RPGRIP1L: variants seen among roughly 807,000 people sequenced by gnomAD.
RPGRIP1L encodes protein fantom.
A neutral mutation model predicts 160.4 loss-of-function variants in RPGRIP1L; 131 were observed. That is an observed-to-expected ratio of 0.82 (90% confidence interval 0.71 to 0.94). The LOEUF is 0.94. Among genes scored for constraint, RPGRIP1L ranks in the 40% least tolerant of loss-of-function variants. The probability of loss-of-function intolerance (pLI) is 0.00; values close to 1 mark genes in which losing one functional copy is unlikely to be tolerated. For synonymous variants in RPGRIP1L, 510 were observed against 515.8 expected, an observed-to-expected ratio of 0.99 and a Z score of 0.15; for missense variants, 1,522 against 1,535.8, an observed-to-expected ratio of 0.99 and a Z score of 0.15.
Position 53,655,278 on chromosome 16 carries a change from G to A in RPGRIP1L, c.1699+1194C>T, listed in dbSNP as rs376885933. Among the ~76,000 whole-genome samples the A allele has an allele frequency of 6.6e-5, 10 of 151,604 alleles. No individual in the cohort carries two copies. The East Asian group carries it at 7.7e-4, about 12-fold the overall frequency. ...GTTTTGGAAAATATAACTTAAAAAA[G>A]GTACTTTAATTTATGTTAACACGCA... On this transcript the variant is annotated intron_variant, in intron 14 of 26. Transcript: ENST00000647211.
chr16:53,620,728 T>G (rs1431992886), intron 23 of RPGRIP1L, among the ~76,000 whole-genome samples: 1 of 152,182 alleles, frequency 6.6e-6, no homozygotes, highest in African/African-American at 2.4e-5. Flanking sequence ...TCCGTTCACG[T>G]GCATAAAAAA....
At chr16:53,677,066 T>C (rs961261248) in intron 6 of RPGRIP1L, among the ~76,000 whole-genome samples, 6 of 152,212 alleles carry the variant, frequency 3.9e-5, no homozygotes, top group African/African-American at 1.4e-4. Flanking sequence ...ATTTTAAATT[T>C]TTTTGTAAGG....
At chr16:53,668,078 T>A (rs890984662) in intron 9 of RPGRIP1L, among the ~76,000 whole-genome samples, 13 of 151,502 alleles carry the variant, frequency 8.6e-5, no homozygotes, top group South Asian at 4.2e-4. Flanking sequence ...TTTTTTTTTT[T>A]AAATCATAGG....
chr16:53,641,575 T>TGAA, intron 17 of RPGRIP1L, 100 bp from the exon 18 acceptor site: 1 of 1,103,310 alleles, frequency 9.1e-7, no homozygotes, highest in East Asian at 2.5e-5. Context: ...AGACTCATGC[T>TGAA]CTACCATGTG....
At chr16:53,680,943 C>T (rs956246006) in intron 6 of RPGRIP1L, among the ~76,000 whole-genome samples, 1 of 152,180 alleles carries the variant, frequency 6.6e-6, no homozygotes, top group South Asian at 2.1e-4. Flanking sequence ...AGTGCAAAAA[C>T]AGGCTTGTTG....
chr16:53,678,327 T>C (rs1182885231), intron 6 of RPGRIP1L, among the ~76,000 whole-genome samples: 1 of 152,128 alleles, frequency 6.6e-6, no homozygotes, highest in African/African-American at 2.4e-5. Flanking sequence ...AGTCAAGCAA[T>C]AAACTCTGAA....
chr16:53,645,730 A>C lies in RPGRIP1L; in HGVS notation c.2578T>G (p.Ser860Ala). 6.2e-7 allele frequency: 1 copy of C among 1,613,934 alleles called. No individual in the cohort carries two copies. Among genetic ancestry groups the C allele is most frequent in the Non-Finnish European group, 8.5e-7 (1 of 1,179,938 alleles). Residue 860 changes from serine (S) to alanine (A), a missense_variant, in exon 17 of 27, where the codon TCT becomes GCT. Physicochemically the swap from Ser to Ala is moderately conservative, Grantham distance 99. Transcript: ENST00000647211. ...TCATCAAAAACATAAAAACTCAGAGACTCTGACTTAAGGTATCGATCCAAG... is the reference window on the plus strand; with the variant it reads ...TCATCAAAAACATAAAAACTCAGAGCCTCTGACTTAAGGTATCGATCCAAG... ...MDLDRYLKSESLSFYVFDDSD... is the reference protein window; with the variant it reads ...MDLDRYLKSEALSFYVFDDSD...
intron 19 of RPGRIP1L, 108 bp from the exon 20 acceptor site, chr16:53,638,519 A>G: frequency 1.6e-6 from 1 of 637,932 alleles, no homozygotes; most frequent in Non-Finnish European, 2.8e-6. Context: ...CAGCAAATGT[A>G]ACAGTTACTC....
chr16:53,616,083 G>C (rs1277278606), intron 24 of RPGRIP1L, among the ~76,000 whole-genome samples: 2 of 152,130 alleles, frequency 1.3e-5, no homozygotes, highest in Non-Finnish European at 2.9e-5. Context: ...TAAAATCATT[G>C]CTAGGTTCAG....
chr16:53,678,597 T>C (rs1471510669), intron 6 of RPGRIP1L, among the ~76,000 whole-genome samples: 1 of 152,044 alleles, frequency 6.6e-6, no homozygotes. Context: ...TACCATATTA[T>C]GAAAGCTAAA....
chr16:53,659,144 G>A, intron 10 of RPGRIP1L: 2 of 756,218 alleles, frequency 2.6e-6, no homozygotes, highest in African/African-American at 1.8e-5. Context: ...GTGGCCTCTG[G>A]GACTTCAAAG....
rs764733447 is a variant in RPGRIP1L at position 53,672,986 on chromosome 16, C to T, written c.913G>A (p.Ala305Thr). The T allele has an allele frequency of 1.9e-6, 3 of 1,613,286 alleles. No individual in the cohort carries two copies. Among genetic ancestry groups the T allele is most frequent in the Non-Finnish European group, 2.5e-6 (3 of 1,179,586 alleles). ...AATTCATCCCCATTTGCCATCAAAG[C>T]ATCGTGGCTGATTCTGAGAGTTCTT... ...KQRTLRISHD[A>T]LMANGDELNM... The change falls in exon 8 of 27, where the codon GCT (alanine) becomes ACT (threonine). Residue 305 changes from alanine to threonine, a missense_variant. Ala to Thr is a moderately conservative substitution (Grantham distance 58). Coordinates refer to ENST00000647211, the MANE Select transcript of RPGRIP1L (RefSeq NM_015272.5).
chr16:53,672,600 T>TCTG lies in RPGRIP1L; in HGVS notation c.1029+267_1029+269dup, dbSNP rs546053268. ...TGAGAAAGTTAAGTTCCATAGGTAA[T>TCTG]CTGGCATCAGTTTCAAAATGCTGGT... On this transcript the variant is annotated intron_variant, in intron 8 of 26. Coordinates refer to ENST00000647211, the MANE Select transcript of RPGRIP1L (RefSeq NM_015272.5). Among the ~76,000 whole-genome samples, 13 of 152,298 alleles carry TCTG rather than the reference T, an allele frequency of 8.5e-5. No homozygotes were observed. In the East Asian group the frequency reaches 2.5e-3, roughly 29 times the overall value.
At chr16:53,697,315 C>T (rs1970845690) in intron 2 of RPGRIP1L, among the ~76,000 whole-genome samples, 1 of 104,412 alleles carries the variant, frequency 9.6e-6, no homozygotes, top group South Asian at 3.0e-4. Context: ...TTATCAATCT[C>T]CCTCTCCCTC....
At chr16:53,669,377 C>T (rs1968528768) in intron 9 of RPGRIP1L, among the ~76,000 whole-genome samples, 1 of 151,640 alleles carries the variant, frequency 6.6e-6, no homozygotes, top group South Asian at 2.1e-4. Context: ...ATATATCTCA[C>T]ATAAACTTCA....
intron 14 of RPGRIP1L, 66 bp from the exon 15 acceptor site, chr16:53,653,053 T>C (rs1328030484): frequency 1.5e-6 from 2 of 1,366,434 alleles, no homozygotes; most frequent in African/African-American, 1.4e-5. Context: ...AAACTGGCTT[T>C]TGAAGTGTAA....
intron 1 of RPGRIP1L, chr16:53,701,633 A>G (rs1971401395): frequency 6.6e-6 from 1 of 151,748 alleles, no homozygotes; most frequent in South Asian, 2.1e-4. Context: ...GCTCTAGGAT[A>G]TTGGTTCTAG....
rs937966610 is a variant in RPGRIP1L at position 53,622,187 on chromosome 16, A to T, written c.3432+32T>A. 9.9e-5 allele frequency: 63 copies of T among 634,826 alleles called. No individual in the cohort carries two copies. In the East Asian group the frequency reaches 1.8e-3, roughly 18 times the overall value. 39.3% of individuals were successfully genotyped at this position (634,826 alleles called of 1,614,324 possible). On this transcript the variant is annotated intron_variant, in intron 23 of 26. Coordinates refer to ENST00000647211, the MANE Select transcript of RPGRIP1L (RefSeq NM_015272.5). ...AGACCAGCATGGCCAACATAGTGAAACCCCGTCTCTGCTAAAATTACAAAA... is the reference window on the plus strand; with the variant it reads ...AGACCAGCATGGCCAACATAGTGAATCCCCGTCTCTGCTAAAATTACAAAA...
chr16:53,644,453 T>C (rs572697166), intron 17 of RPGRIP1L, among the ~76,000 whole-genome samples: 1 of 152,240 alleles, frequency 6.6e-6, no homozygotes, highest in Non-Finnish European at 1.5e-5. Flanking sequence ...TCCCCAAATG[T>C]GGTGCATAAC....
Sources: gnomAD v4.1 joint callset for allele counts (sites outside exome capture counted in the v4.1 genomes callset) on GRCh38, gnomAD v4.1.1 for gene constraint, MANE v1.5 for transcripts, NCBI Gene and HGNC (gene_info 2026-07-23, HGNC 2026-07-21) for gene names.